ATP11B: variants seen among roughly 807,000 people sequenced by gnomAD.
The protein encoded by ATP11B is phospholipid-transporting ATPase IF.
Under a neutral mutation model 157.8 loss-of-function variants are expected in ATP11B, and 81 were observed. That is an observed-to-expected ratio of 0.51 (90% CI 0.43 to 0.62). ATP11B has a LOEUF of 0.62. Among genes scored for constraint, ATP11B ranks in the 20% least tolerant of loss-of-function variants. The pLI is 0.00. For synonymous variants in ATP11B, 451 were observed against 469.4 expected, an observed-to-expected ratio of 0.96 and a Z score of 0.51; for missense variants, 1,165 against 1,402.2, an observed-to-expected ratio of 0.83 and a Z score of 2.70.
chr3:182,841,808 C>T (rs1719043862), intron 7 of ATP11B, among the ~76,000 whole-genome samples: 1 of 149,302 alleles, frequency 6.7e-6, no homozygotes, highest in Non-Finnish European at 1.5e-5. Flanking sequence ...GAAACCCTGT[C>T]TCTACTGAAA....
chr3:182,807,628 G>A (rs1232447656), intron 1 of ATP11B, among the ~76,000 whole-genome samples: 1 of 152,122 alleles, frequency 6.6e-6, no homozygotes. Flanking sequence ...ATAAGGTGGT[G>A]CCCATTTTTA....
chr3:182,824,892 A>G (rs1056977815), intron 2 of ATP11B, among the ~76,000 whole-genome samples: 1 of 152,352 alleles, frequency 6.6e-6, no homozygotes, highest in East Asian at 1.9e-4. Context: ...TTTAAAATGT[A>G]AATTTTATGT....
intron 9 of ATP11B, among the ~76,000 whole-genome samples, chr3:182,847,920 C>G (rs184308839): frequency 8.7e-4 from 133 of 152,328 alleles, no homozygotes; most frequent in Middle Eastern, 3.4e-3. Context: ...CTACTGTCAT[C>G]CTTGCTCATC....
At chr3:182,880,341 T>C (rs1324215687) in intron 20 of ATP11B, among the ~76,000 whole-genome samples, 3 of 152,206 alleles carry the variant, frequency 2.0e-5, no homozygotes, top group Admixed American at 6.5e-5. Context: ...TGACAATTCA[T>C]GTACCCCAGT....
In ATP11B at chr3:182,829,435, T is replaced by C. The variant is rs903665139; in HGVS notation, c.235-237T>C. ...ATCTGAGTAGCTGTAGTTCCACTCC[T>C]TGGCGAATATTGAAGAACTTTGTGT... is the stretch of plus-strand genomic sequence containing the variant. On this transcript the variant is annotated intron_variant, in intron 3 of 29. Coordinates refer to ENST00000323116, the MANE Select transcript of ATP11B (RefSeq NM_014616.3). 1.2e-4 allele frequency among the ~76,000 whole-genome samples: 19 copies of C among 152,184 alleles called. 1 individual carries two copies. Among genetic ancestry groups the C allele is most frequent in the African/African-American group, 4.6e-4 (19 of 41,464 alleles).
At chr3:182,911,319 T>C (rs1724778324) in intron 28 of ATP11B, among the ~76,000 whole-genome samples, 2 of 139,630 alleles carry the variant, frequency 1.4e-5, no homozygotes, top group African/African-American at 5.5e-5. Context: ...GCCACCTTTT[T>C]CATCAAATCT....
chr3:182,865,330 A>G, intron 12 of ATP11B, 126 bp from the exon 13 acceptor site: 1 of 822,054 alleles, frequency 1.2e-6, no homozygotes, highest in Non-Finnish European at 1.9e-6. Flanking sequence ...TAAGAATCTC[A>G]GCATCCATAT....
At chr3:182,907,092 C>CA (rs58120749) in intron 28 of ATP11B, among the ~76,000 whole-genome samples, 148 of 115,344 alleles carry the variant, frequency 1.3e-3, no homozygotes, top group Admixed American at 3.3e-3. Context: ...GACTCCGTCT[C>CA]AAAAAAAAAA....
chr3:182,820,091 G>GA (rs938354046), intron 1 of ATP11B, among the ~76,000 whole-genome samples, 169 bp from the exon 2 acceptor site: 2 of 151,712 alleles, frequency 1.3e-5, no homozygotes, highest in Non-Finnish European at 2.9e-5. Context: ...ACCTGTGAAA[G>GA]AAAAAAAATA....
At chr3:182,817,301 A>T (rs1414689150) in intron 1 of ATP11B, among the ~76,000 whole-genome samples, 2 of 150,426 alleles carry the variant, frequency 1.3e-5, no homozygotes, top group Non-Finnish European at 3.0e-5. Context: ...TTTGTTTTTG[A>T]GACAGAGTCT....
At chr3:182,800,678 G>A (rs978241771) in intron 1 of ATP11B, among the ~76,000 whole-genome samples, 1 of 152,058 alleles carries the variant, frequency 6.6e-6, no homozygotes, top group Non-Finnish European at 1.5e-5. Context: ...GTGTGCTTAG[G>A]AGAAAACTAG....
chr3:182,881,893 CACA>C (rs1250283352), intron 21 of ATP11B, among the ~76,000 whole-genome samples: 5 of 152,184 alleles, frequency 3.3e-5, no homozygotes, highest in Admixed American at 6.5e-5. Context: ...CTGCGATAAA[CACA>C]ACATCTCAAG....
Position 182,842,167 on chromosome 3 carries a change from G to GT in ATP11B, c.704+48dup, listed in dbSNP as rs773891343. ...ATCTAATTACCTTTAAATGGGAACT[G>GT]TTTGGGGGAGGGACTAGAAGTTCCA... On this transcript the variant is annotated intron_variant, in intron 8 of 29. Transcript: ENST00000323116. 6.6e-6 allele frequency: 9 copies of GT among 1,368,212 alleles called. No homozygotes were observed. In the African/African-American group the frequency reaches 8.6e-5, roughly 13 times the overall value. The allele number at this position is 1,368,212 out of a possible 1,614,324, so 84.8% of individuals were successfully genotyped here.
At chr3:182,823,783 G>A (rs1392491503) in intron 2 of ATP11B, among the ~76,000 whole-genome samples, 4 of 151,694 alleles carry the variant, frequency 2.6e-5, no homozygotes, top group African/African-American at 9.7e-5. Context: ...TAGTGACACA[G>A]TTCTTAAGAA....
At chr3:182,886,055 T>A in intron 23 of ATP11B, 45 bp downstream of exon 23, 1 of 1,273,856 alleles carries the variant, frequency 7.9e-7, no homozygotes, top group Non-Finnish European at 1.1e-6. Context: ...CCTTTTAGAG[T>A]AACGTATGTA....
In ATP11B at chr3:182,827,683, A is replaced by G. The variant is rs114717133; in HGVS notation, c.145-437A>G. Among the ~76,000 whole-genome samples, 1,457 of 150,628 alleles carry G rather than the reference A, an allele frequency of 9.7e-3. 25 individuals are homozygous for G. The highest frequency in any genetic ancestry group is 0.034 in the African/African-American group (1,383 of 41,020). Reference sequence around the variant, plus strand: ...CCTCATATTTCATACTAAACAAACTATTTCCTCTGTTTCTGATGCTAAACT... The same window carrying G: ...CCTCATATTTCATACTAAACAAACTGTTTCCTCTGTTTCTGATGCTAAACT... On this transcript the variant is annotated intron_variant, in intron 2 of 29. Transcript: ENST00000323116.
intron 7 of ATP11B, 69 bp downstream of exon 7, chr3:182,837,243 A>C: frequency 8.8e-7 from 1 of 1,141,564 alleles, no homozygotes; most frequent in African/African-American, 1.6e-5. Flanking sequence ...ATAACCATAA[A>C]CATAAAATGA....
intron 21 of ATP11B, among the ~76,000 whole-genome samples, chr3:182,881,493 G>A (rs1359836709): frequency 2.0e-5 from 3 of 151,062 alleles, no homozygotes; most frequent in Non-Finnish European, 2.9e-5. Context: ...AGTGAGCCAC[G>A]ATCGCGCCAC....
At chr3:182,894,110 T>G (rs1449103900) in intron 25 of ATP11B, among the ~76,000 whole-genome samples, 1 of 149,900 alleles carries the variant, frequency 6.7e-6, no homozygotes, top group Admixed American at 6.6e-5. Context: ...TTGCGAAGAT[T>G]TTCTCCCACT....
Sources: allele counts gnomAD v4.1 joint callset (sites outside exome capture counted in the v4.1 genomes callset), GRCh38; gene constraint gnomAD v4.1.1; transcripts MANE v1.5; gene names NCBI Gene and HGNC (gene_info 2026-07-23, HGNC 2026-07-21).